ARHGEF3: variants seen among roughly 807,000 people sequenced by gnomAD.
The protein encoded by ARHGEF3 is 59.8 kDA protein.
ARHGEF3 carries 28 observed loss-of-function variants against 63.2 expected under a neutral mutation model. The observed-to-expected ratio is 0.44, with a 90% CI of 0.33 to 0.61. The LOEUF (loss-of-function observed/expected upper bound fraction) is 0.61, where lower values mean the gene tolerates loss of function less well. Among genes scored for constraint, ARHGEF3 ranks in the 20% least tolerant of loss-of-function variants. The probability of loss-of-function intolerance (pLI) is 0.03; values close to 1 mark genes in which losing one functional copy is unlikely to be tolerated. For missense variants in ARHGEF3, 533 were observed against 659.3 expected, an observed-to-expected ratio of 0.81 and a Z score of 2.10; for synonymous variants, 266 against 254.2, an observed-to-expected ratio of 1.05 and a Z score of -0.44.
chr3:56,794,349 G>T (rs1236161765), intron 1 of ARHGEF3, among the ~76,000 whole-genome samples: 1 of 151,906 alleles, frequency 6.6e-6, no homozygotes, highest in South Asian at 2.1e-4. Context: ...TTAGCAGGGC[G>T]TGGTGGCGTG....
intron 3 of ARHGEF3, among the ~76,000 whole-genome samples, chr3:56,908,648 T>C (rs1462014174): frequency 2.6e-5 from 4 of 152,184 alleles, no homozygotes; most frequent in African/African-American, 9.6e-5. Context: ...GAAAAGGTAC[T>C]GAGGGAATGA....
chr3:56,878,436 G>A (rs2040662218), intron 4 of ARHGEF3, among the ~76,000 whole-genome samples: 1 of 152,184 alleles, frequency 6.6e-6, no homozygotes, highest in Non-Finnish European at 1.5e-5. Context: ...GGGATTGGGT[G>A]AGGCGGTGGG....
intron 4 of ARHGEF3, among the ~76,000 whole-genome samples, chr3:56,841,201 TG>T (rs2039297232): frequency 6.6e-6 from 1 of 152,172 alleles, no homozygotes; most frequent in South Asian, 2.1e-4. Context: ...AAGAGTGAGA[TG>T]AAAAATTAAC....
intron 1 of ARHGEF3, among the ~76,000 whole-genome samples, chr3:57,037,156 G>A (rs1703996706): frequency 6.6e-6 from 1 of 152,190 alleles, no homozygotes. Context: ...TTATGGAGGG[G>A]CCCAGGCTAG....
intron 3 of ARHGEF3, among the ~76,000 whole-genome samples, chr3:56,945,847 C>T (rs567750260): frequency 1.1e-4 from 16 of 152,320 alleles, no homozygotes; most frequent in African/African-American, 3.4e-4. Flanking sequence ...GGGTCCCTGA[C>T]CCCCGAGTAA....
At position 56,737,329 on chromosome 3, in the gene ARHGEF3, T is replaced by C. The variant is rs766725044; in HGVS notation, c.897A>G (p.Ala299=). 1 of 1,612,832 alleles carries C rather than the reference T, an allele frequency of 6.2e-7. No homozygotes were observed. The highest frequency in any genetic ancestry group is 2.2e-5 in the East Asian group (1 of 44,870). ...ATTCACCAGTCTTGGTGTTGATTTCTGCCACAATTCCCTGAATGATATTTA... is the reference window on the plus strand; with the variant it reads ...ATTCACCAGTCTTGGTGTTGATTTCCGCCACAATTCCCTGAATGATATTTA... ...EAINIIQGIV[A]EINTKTGESE... is the part of the protein sequence containing the mutation. The change falls in exon 8 of 10, where the codon GCA becomes GCG. Residue 299 remains alanine (A), a synonymous_variant. Transcript: ENST00000296315.
chr3:57,002,500 A>ATTTTATATATATATATATGT (rs1553802546), intron 2 of ARHGEF3, among the ~76,000 whole-genome samples: 3 of 60,124 alleles, frequency 5.0e-5, no homozygotes, highest in Admixed American at 3.8e-4. Flanking sequence ...TATATATGTT[A>ATTTTATATATATATATATGT]TATATATATA....
At chr3:56,887,261 T>C (rs1287439739) in intron 3 of ARHGEF3, among the ~76,000 whole-genome samples, 2 of 152,278 alleles carry the variant, frequency 1.3e-5, no homozygotes, top group South Asian at 2.1e-4. Context: ...TGATCACAAT[T>C]AGCAACATGT....
At chr3:56,737,452 C>T in intron 7 of ARHGEF3, 97 bp from the exon 8 acceptor site, 4 of 908,916 alleles carry the variant, frequency 4.4e-6, no homozygotes, top group Non-Finnish European at 3.2e-6. Flanking sequence ...CAGGACACAC[C>T]TGGATCTAAC....
intron 2 of ARHGEF3, chr3:56,975,863 C>A: frequency 2.8e-6 from 1 of 351,754 alleles, no homozygotes; most frequent in Non-Finnish European, 5.5e-6. Context: ...AGAGATTAGT[C>A]TTATTCACTG....
chr3:56,953,007 T>C (rs762783151), intron 3 of ARHGEF3, among the ~76,000 whole-genome samples: 1 of 152,208 alleles, frequency 6.6e-6, no homozygotes, highest in Non-Finnish European at 1.5e-5. Context: ...ACCTGTACTT[T>C]AGGCAAATAG....
rs1578977248 is a variant in ARHGEF3 at position 56,967,441 on chromosome 3, A to G, written c.63-8552T>C. On this transcript the variant is annotated intron_variant, in intron 2 of 12. Transcript: ENST00000338458. ...ATACATATTATATATTATATAATAT[A>G]TTATATATTATACATATTATATATT... 9.2e-5 allele frequency among the ~76,000 whole-genome samples: 7 copies of G among 76,322 alleles called. No individual in the cohort carries two copies. In the South Asian group the frequency reaches 2.8e-3, roughly 30 times the overall value. 50.1% of individuals were successfully genotyped at this position (76,322 alleles called of 152,430 possible).
At chr3:56,787,361 A>G (rs2036869538) in intron 1 of ARHGEF3, among the ~76,000 whole-genome samples, 1 of 152,186 alleles carries the variant, frequency 6.6e-6, no homozygotes, top group African/African-American at 2.4e-5. Context: ...CTGCCAAGGC[A>G]CTTGCCTACT....
At chr3:56,746,008 T>C (rs750956631) in intron 6 of ARHGEF3, among the ~76,000 whole-genome samples, 1 of 152,244 alleles carries the variant, frequency 6.6e-6, no homozygotes, top group Non-Finnish European at 1.5e-5. Flanking sequence ...TTGGAACATT[T>C]AACCTTCACT....
At chr3:56,921,466 T>C (rs749400885) in intron 3 of ARHGEF3, among the ~76,000 whole-genome samples, 10 of 133,672 alleles carry the variant, frequency 7.5e-5, no homozygotes, top group Non-Finnish European at 1.2e-4. Flanking sequence ...CAGGGAGGCA[T>C]AAAGCACAGC....
At chr3:56,924,910 T>C (rs180861873) in intron 3 of ARHGEF3, among the ~76,000 whole-genome samples, 4 of 152,266 alleles carry the variant, frequency 2.6e-5, no homozygotes, top group African/African-American at 9.6e-5. Context: ...GTTGCTCTTG[T>C]TCACATGCCT....
At chr3:56,947,590 T>C (rs1276436317) in intron 3 of ARHGEF3, among the ~76,000 whole-genome samples, 1 of 152,182 alleles carries the variant, frequency 6.6e-6, no homozygotes, top group South Asian at 2.1e-4. Context: ...ATCCTAAATA[T>C]ATATGCACCC....
chr3:56,949,328 G>A (rs1338109532), intron 3 of ARHGEF3, among the ~76,000 whole-genome samples: 2 of 151,908 alleles, frequency 1.3e-5, no homozygotes, highest in Non-Finnish European at 2.9e-5. Context: ...TAGGAAAAGA[G>A]GAAGTCAAAT....
chr3:56,830,421 ACTATCCCAGC>A (rs1178692287), intron 4 of ARHGEF3, among the ~76,000 whole-genome samples: 1 of 152,114 alleles, frequency 6.6e-6, no homozygotes, highest in Non-Finnish European at 1.5e-5. Flanking sequence ...CCTATCTGCC[ACTATCCCAGC>A]CTAAACTGTC....
Sources: gnomAD v4.1 joint callset for allele counts (sites outside exome capture counted in the v4.1 genomes callset) on GRCh38, gnomAD v4.1.1 for gene constraint, MANE v1.5 for transcripts, NCBI Gene and HGNC (gene_info 2026-07-23, HGNC 2026-07-21) for gene names.